The following BIRC6 variants were observed in gnomAD, a reference collection of about 807,000 sequenced individuals.
BIRC6 encodes dual E2 ubiquitin-conjugating enzyme/E3 ubiquitin-protein ligase BIRC6.
BIRC6 carries 98 observed loss-of-function variants against 503.3 expected under a neutral mutation model. That is an observed-to-expected ratio of 0.19 (90% CI 0.17 to 0.23). The LOEUF is 0.23. BIRC6 is among the 10% of genes least tolerant of loss of function. The pLI, the probability that BIRC6 is intolerant of heterozygous loss-of-function variation, is 1.00. For synonymous variants in BIRC6, 2,240 were observed against 2,078.7 expected, an observed-to-expected ratio of 1.08 and a Z score of -2.11; for missense variants, 5,360 against 5,806.0, an observed-to-expected ratio of 0.92 and a Z score of 2.50.
At position 32,464,600 on chromosome 2, in the gene BIRC6, C is replaced by A. The variant is rs760908109; in HGVS notation, c.5033C>A (p.Ser1678Tyr). 12 of 1,613,414 alleles carry A rather than the reference C, an allele frequency of 7.4e-6. No homozygotes were observed. Among genetic ancestry groups the A allele is most frequent in the Non-Finnish European group, 1.0e-5 (12 of 1,179,546 alleles). Residue 1678 changes from serine (S) to tyrosine (Y), a missense_variant, in exon 25 of 74, where the codon TCC becomes TAC. This residue lies in a region of BIRC6 where 2,299 missense variants were observed against 2,267.2 expected (regional missense o/e 1.01). Transcript: ENST00000421745. ...AVGPVHNSVPSNPVAAPGFFI... is the reference protein window; with the variant it reads ...AVGPVHNSVPYNPVAAPGFFI... ...GGTCCTGTTCACAACTCTGTGCCTT[C>A]CAACCCAGTGGCTGCCCCTGGATTC...
chr2:32,501,727 C>T lies in BIRC6; in HGVS notation c.9046C>T (p.His3016Tyr). The stretch of plus-strand genomic sequence containing the variant: ...ATTTTTCTTAGGAGCAAGTGGATTA[C>T]ATCTCACTAAACATGAAAACTTTCA... ...MAMIIGASGLHLTKHENFHGG... is the reference protein window; with the variant it reads ...MAMIIGASGLYLTKHENFHGG... Residue 3016 changes from histidine (H) to tyrosine (Y), a missense_variant, in exon 47 of 74, where the codon CAT (histidine) becomes TAT (tyrosine). His to Tyr is a moderately conservative substitution (Grantham distance 83). Around this residue, in one of 16 missense-constraint regions of BIRC6, gnomAD observed 267 missense variants for 287.6 expected, o/e 0.93. Transcript: ENST00000421745. 1 of 1,610,144 alleles carries T rather than the reference C, an allele frequency of 6.2e-7. No homozygotes were observed. Among genetic ancestry groups the T allele is most frequent in the Non-Finnish European group, 8.5e-7 (1 of 1,178,702 alleles).
At chr2:32,586,498 C>T (rs781345556) in intron 66 of BIRC6, among the ~76,000 whole-genome samples, 21 of 134,606 alleles carry the variant, frequency 1.6e-4, no homozygotes, top group Admixed American at 2.5e-4. Context: ...ACTATATCGG[C>T]TCACTGCAAC....
In BIRC6 at chr2:32,509,058, T is replaced by A. The variant is rs1190541694; in HGVS notation, c.9981-680T>A. On this transcript the variant is annotated intron_variant, in intron 51 of 73. Transcript: ENST00000421745. ...CACTCCAGCCTGGGTGAGAGTGAAC[T>A]CTGTCTTTAAAAAAAAAAAAGAATT... is the stretch of plus-strand genomic sequence containing the variant. Among the ~76,000 whole-genome samples, 5 of 140,754 alleles carry A rather than the reference T, an allele frequency of 3.6e-5. No individual in the cohort carries two copies. In the East Asian group the frequency reaches 1.0e-3, roughly 29 times the overall value. 92.3% of individuals were successfully genotyped at this position (140,754 alleles called of 152,430 possible).
intron 9 of BIRC6, among the ~76,000 whole-genome samples, chr2:32,407,445 CAAAAAAAAAAAAAA>C (rs760585710): frequency 1.4e-5 from 1 of 69,812 alleles, no homozygotes; most frequent in Non-Finnish European, 3.0e-5. Context: ...AACTCTGTCT[CAAAAAAAAAAAAAA>C]AAAAAAAAGA....
chr2:32,589,626 T>A (rs2151321953), intron 66 of BIRC6, among the ~76,000 whole-genome samples: 1 of 152,348 alleles, frequency 6.6e-6, no homozygotes, highest in East Asian at 1.9e-4. Context: ...TCTTTAAACA[T>A]TCCTGTTTTT....
chr2:32,507,930 A>G, intron 50 of BIRC6, 50 bp from the exon 51 acceptor site: 3 of 1,527,030 alleles, frequency 2.0e-6, no homozygotes, highest in Non-Finnish European at 2.7e-6. Context: ...TAAACTGTTC[A>G]ATCTAGTATA....
In BIRC6 at chr2:32,521,483, T is replaced by C. The variant is rs917314935; in HGVS notation, c.11623+2537T>C. Among the ~76,000 whole-genome samples, 3 of 151,770 alleles carry C rather than the reference T, an allele frequency of 2.0e-5. No individual in the cohort carries two copies. In the East Asian group the frequency reaches 5.8e-4, roughly 29 times the overall value. ...CTCTGTTTTTTTTGTTTTTTGTTTT[T>C]TGTTTTGAGACGGAGTCTCACTCTG... On this transcript the variant is annotated intron_variant, in intron 57 of 73. Transcript: ENST00000421745.
chr2:32,493,021 GTTT>G (rs537057604), intron 44 of BIRC6, among the ~76,000 whole-genome samples: 1 of 136,940 alleles, frequency 7.3e-6, no homozygotes, highest in Non-Finnish European at 1.6e-5. Flanking sequence ...TGGGAAAGCA[GTTT>G]TTTTTTTTTT....
chr2:32,404,368 AG>A (rs2040953764), intron 8 of BIRC6, among the ~76,000 whole-genome samples: 2 of 151,216 alleles, frequency 1.3e-5, no homozygotes, highest in Non-Finnish European at 1.5e-5. Flanking sequence ...CCCATGCTGG[AG>A]TGCAGTGGTG....
intron 49 of BIRC6, among the ~76,000 whole-genome samples, chr2:32,504,076 G>GTGTGTGTGTT (rs1313326593): frequency 1.4e-5 from 2 of 143,946 alleles, no homozygotes; most frequent in Non-Finnish European, 3.0e-5. Context: ...GTGTGTGTGT[G>GTGTGTGTGTT]TTTAGTAGAG....
At chr2:32,514,955 C>T (rs1422154661) in intron 54 of BIRC6, 35 bp from the exon 55 acceptor site, 3 of 1,455,644 alleles carry the variant, frequency 2.1e-6, no homozygotes, top group Non-Finnish European at 2.9e-6. Context: ...TAAAAATATA[C>T]TTGTATCATT....
chr2:32,582,337 A>T (rs2060729354), intron 66 of BIRC6, among the ~76,000 whole-genome samples: 1 of 152,104 alleles, frequency 6.6e-6, no homozygotes, highest in Non-Finnish European at 1.5e-5. Flanking sequence ...CATGGTAAGT[A>T]AAACCCTGAT....
At chr2:32,537,245 G>A (rs571875565) in intron 61 of BIRC6, among the ~76,000 whole-genome samples, 17 of 152,192 alleles carry the variant, frequency 1.1e-4, no homozygotes, top group African/African-American at 3.9e-4. Context: ...AAGTTAACAA[G>A]GATATCCAGG....
chr2:32,603,689 A>G (rs186712417), intron 71 of BIRC6, among the ~76,000 whole-genome samples: 1 of 152,228 alleles, frequency 6.6e-6, no homozygotes, highest in Admixed American at 6.6e-5. Context: ...ACGGCACTAC[A>G]CTCTAGCCTG....
intron 5 of BIRC6, among the ~76,000 whole-genome samples, chr2:32,394,798 C>A (rs1573903624): frequency 6.6e-6 from 1 of 152,002 alleles, no homozygotes; most frequent in African/African-American, 2.4e-5. Context: ...CCATTGCACT[C>A]CAGTCTGAGA....
intron 59 of BIRC6, 96 bp from the exon 60 acceptor site, chr2:32,529,555 A>G (rs1363720160): frequency 1.7e-6 from 2 of 1,174,812 alleles, no homozygotes; most frequent in Non-Finnish European, 2.3e-6. Context: ...TTCAGAATCA[A>G]ACTCTTGCCT....
chr2:32,546,922 T>G (rs2058091709), intron 63 of BIRC6, among the ~76,000 whole-genome samples: 1 of 152,092 alleles, frequency 6.6e-6, no homozygotes, highest in Non-Finnish European at 1.5e-5. Context: ...CTATTAAAAT[T>G]ACAAAAATTA....
chr2:32,509,887 A>T lies in BIRC6; in HGVS notation c.10130A>T (p.Asn3377Ile). ...CCTTACTGTGGAATGCATTCACCCA[A>T]CATCGAGGTTGTGCTTGTAAAGATA... is the stretch of plus-strand genomic sequence containing the variant. The part of the protein sequence containing the change: ...MSPYCGMHSP[N>I]IEVVLVKIGL... The change falls in exon 52 of 74, where the codon AAC becomes ATC. Residue 3377 changes from asparagine (N) to isoleucine (I), a missense_variant. By Grantham distance (149) the Asn-to-Ile change is moderately radical. This residue lies in a region of BIRC6 where 878 missense variants were observed against 928.9 expected (regional missense o/e 0.95). Coordinates refer to ENST00000421745, the MANE Select transcript of BIRC6 (RefSeq NM_016252.4). The T allele has an allele frequency of 6.2e-7, 1 of 1,613,982 alleles. No individual in the cohort carries two copies. Among genetic ancestry groups the T allele is most frequent in the African/African-American group, 1.3e-5 (1 of 75,034 alleles).
chr2:32,537,783 G>C (rs1006298904), intron 61 of BIRC6, among the ~76,000 whole-genome samples: 3 of 152,074 alleles, frequency 2.0e-5, no homozygotes, highest in African/African-American at 7.2e-5. Context: ...TGGCTAACGT[G>C]GTGAAATCCC....
Sources: allele counts gnomAD v4.1 joint callset (sites outside exome capture counted in the v4.1 genomes callset), GRCh38; gene constraint gnomAD v4.1.1; regional missense constraint gnomAD v4.1.1; transcripts MANE v1.5; gene names NCBI Gene and HGNC (gene_info 2026-07-23, HGNC 2026-07-21).